ZNF783: variants seen among roughly 807,000 people sequenced by gnomAD.
The protein encoded by ZNF783 is protein ZNF783.
A neutral mutation model predicts 31.3 loss-of-function variants in ZNF783; 25 were observed. The observed-to-expected ratio is 0.80, with a 90% CI of 0.58 to 1.11. The LOEUF (loss-of-function observed/expected upper bound fraction) is 1.11. Among genes scored for constraint, ZNF783 ranks in the 50% most tolerant of loss-of-function variants. The pLI, the probability that ZNF783 is intolerant of heterozygous loss-of-function variation, is 0.00. For missense variants in ZNF783, 797 were observed against 760.0 expected, an observed-to-expected ratio of 1.05 and a Z score of -0.57; for synonymous variants, 369 against 319.1, an observed-to-expected ratio of 1.16 and a Z score of -1.66.
At chr7:149,264,189 TTTC>T (rs1348516516) in intron 1 of ZNF783, among the ~76,000 whole-genome samples, 1 of 152,272 alleles carries the variant, frequency 6.6e-6, no homozygotes, top group East Asian at 1.9e-4. Context: ...ACATCAGTTT[TTTC>T]TTCATCTTCA....
At chr7:149,278,969 C>T (rs894258337) in intron 5 of ZNF783, among the ~76,000 whole-genome samples, 1 of 152,328 alleles carries the variant, frequency 6.6e-6, no homozygotes, top group Admixed American at 6.5e-5. Context: ...AGTCATCCTT[C>T]CAGACTTCTT....
Position 149,282,314 on chromosome 7 carries a change from C to G in ZNF783, c.1612C>G (p.Pro538Ala). The G allele has an allele frequency of 6.4e-7, 1 of 1,552,672 alleles. No individual in the cohort carries two copies. Among genetic ancestry groups the G allele is most frequent in the Non-Finnish European group, 8.6e-7 (1 of 1,157,250 alleles). The change falls in exon 6 of 6, where the codon CCC (proline) becomes GCC (alanine). Residue 538 changes from proline to alanine, a missense_variant. Coordinates refer to ENST00000434415, the MANE Select transcript of ZNF783 (RefSeq NM_001195220.2). ...CGCCCGCCACGGGAGCCTGCCCCTG[C>G]CCTGGCCCAGCCGGAAGGAGGAGGG... Reference protein sequence around the residue: ...APARHGSLPLPWPSRKEEG With the variant: ...APARHGSLPLAWPSRKEEG
chr7:149,266,427 G>A lies in ZNF783; in HGVS notation c.117G>A (p.Thr39=), dbSNP rs762005733. The change falls in exon 2 of 6, where the codon ACG becomes ACA. Residue 39 remains threonine, a synonymous_variant. Transcript: ENST00000434415. ...AAEKNSYLYS[T]EITLWTVVAA... is the part of the protein sequence containing the mutation. Reference sequence around the variant, plus strand: ...AGAAGAACTCGTACCTCTACTCCACGGAAATCACACTGTGGACGGTGGTGG... The same window carrying A: ...AGAAGAACTCGTACCTCTACTCCACAGAAATCACACTGTGGACGGTGGTGG... 19 of 1,603,458 alleles carry A rather than the reference G, an allele frequency of 1.2e-5. No individual in the cohort carries two copies. The highest frequency in any genetic ancestry group is 4.4e-5 in the South Asian group (4 of 91,066).
At chr7:149,278,373 C>A in intron 4 of ZNF783, 26 bp from the exon 5 acceptor site, 2 of 1,598,626 alleles carry the variant, frequency 1.3e-6, no homozygotes, top group South Asian at 2.2e-5. Context: ...ATGTTGTGCT[C>A]AATGTCACTG....
rs751997559 is a variant in ZNF783, at chr7:149,267,136, A to G, written c.587A>G (p.Glu196Gly). 5.0e-6 allele frequency: 8 copies of G among 1,599,492 alleles called. No individual in the cohort carries two copies. The South Asian group carries it at 7.7e-5, about 15-fold the overall frequency. The change falls in exon 4 of 6, where the codon GAG (glutamate) becomes GGG (glycine). Residue 196 changes from glutamate (E) to glycine (G), a missense_variant. Physicochemically the swap from Glu to Gly is moderately conservative, Grantham distance 98. Transcript: ENST00000434415. ...ISKPDILTRI[E>G]RGEEPCLDRW... ...AAACCAGACATCCTCACCCGGATAG[A>G]GAGGGGAGAGGAGCCTTGTCTTGAC...
chr7:149,271,095 C>T (rs1169564808), intron 4 of ZNF783, among the ~76,000 whole-genome samples: 4 of 152,264 alleles, frequency 2.6e-5, no homozygotes, highest in East Asian at 3.9e-4. Flanking sequence ...CCCGCCACCA[C>T]GCCTGGCTAA....
chr7:149,279,673 G>C (rs1400377485), intron 5 of ZNF783, among the ~76,000 whole-genome samples: 1 of 60,918 alleles, frequency 1.6e-5, no homozygotes, highest in Admixed American at 1.9e-4. Context: ...TTTTTTTATT[G>C]ATCATTCTTG....
rs767088882 is a variant in ZNF783, at chr7:149,281,604, T to TC, written c.907dup (p.Arg303ProfsTer112). ...TCCCGAGGCCAGACCGAGTGTAGAATCCCCCGAGGGCCCAGGAACAGGCCT... is the reference window on the plus strand; with the variant it reads ...TCCCGAGGCCAGACCGAGTGTAGAATCCCCCCGAGGGCCCAGGAACAGGCCT... On this transcript the variant is annotated frameshift_variant, in exon 6 of 6. Coordinates refer to ENST00000434415, the MANE Select transcript of ZNF783 (RefSeq NM_001195220.2). LOFTEE classifies it low-confidence loss of function (END_TRUNC). 9.3e-5 allele frequency: 144 copies of TC among 1,542,860 alleles called. No individual in the cohort carries two copies. The highest frequency in any genetic ancestry group is 1.6e-4 in the Admixed American group (8 of 50,348).
intron 1 of ZNF783, among the ~76,000 whole-genome samples, chr7:149,262,914 G>C (rs1384027413): frequency 6.6e-6 from 1 of 152,172 alleles, no homozygotes; most frequent in African/African-American, 2.4e-5. Flanking sequence ...AAAGATTACT[G>C]TAGCAGATTT....
chr7:149,272,721 AT>A (rs1205219422), intron 4 of ZNF783, among the ~76,000 whole-genome samples: 1 of 152,158 alleles, frequency 6.6e-6, no homozygotes, highest in African/African-American at 2.4e-5. Flanking sequence ...TCAAGCATTT[AT>A]TATTTCTTTG....
chr7:149,267,454 G>A (rs1418288799), intron 4 of ZNF783, among the ~76,000 whole-genome samples: 1 of 152,234 alleles, frequency 6.6e-6, no homozygotes, highest in Non-Finnish European at 1.5e-5. Flanking sequence ...TTACGTGGTT[G>A]TGATGACTGA....
At position 149,282,451 on chromosome 7, in the gene ZNF783, A is replaced by C. The variant is rs1303390525; in HGVS notation, c.*108A>C. On this transcript the variant is annotated 3_prime_UTR_variant, in exon 6 of 6. Transcript: ENST00000434415. ...GAGGTTTGTTGTTTTTACCCATTCA[A>C]ATGGGAAGCTAGCTGCCCTTCTGGT... 2.0e-6 allele frequency: 2 copies of C among 1,014,490 alleles called. No individual in the cohort carries two copies. Among genetic ancestry groups the C allele is most frequent in the African/African-American group, 1.7e-5 (1 of 60,326 alleles). 62.8% of individuals were successfully genotyped at this position (1,014,490 alleles called of 1,614,324 possible). A position where few individuals can be genotyped will look rare whatever the true frequency, so the allele number is the denominator to read the frequency against.
chr7:149,279,635 T>TG (rs1421472239), intron 5 of ZNF783, among the ~76,000 whole-genome samples: 54 of 132,450 alleles, frequency 4.1e-4, no homozygotes, highest in Non-Finnish European at 7.4e-4. Context: ...TATCTTTGTT[T>TG]TTTTTTTTTT....
rs1011072644 is a variant in ZNF783 at position 149,281,822 on chromosome 7, G to A, written c.1120G>A (p.Glu374Lys). 6 of 1,510,772 alleles carry A rather than the reference G, an allele frequency of 4.0e-6. No individual in the cohort carries two copies. The South Asian group carries it at 6.5e-5, about 16-fold the overall frequency. 93.6% of individuals were successfully genotyped at this position (1,510,772 alleles called of 1,614,324 possible). ...LTIHQRTHVE[E>K]GRQEAPGRSP... is the part of the protein sequence containing the mutation. Reference sequence around the variant, plus strand: ...GATTCATCAGCGGACCCATGTGGAGGAGGGGCGGCAGGAGGCCCCCGGCCG... The same window carrying A: ...GATTCATCAGCGGACCCATGTGGAGAAGGGGCGGCAGGAGGCCCCCGGCCG... The change falls in exon 6 of 6, where the codon GAG (glutamate) becomes AAG (lysine). Residue 374 changes from glutamate to lysine, a missense_variant. Glu to Lys is a moderately conservative substitution (Grantham distance 56, BLOSUM62 1). Coordinates refer to ENST00000434415, the MANE Select transcript of ZNF783 (RefSeq NM_001195220.2).
chr7:149,281,597 T>TC lies in ZNF783; in HGVS notation c.895_896insC (p.Cys299SerfsTer2). On this transcript the variant is annotated frameshift_variant, in exon 6 of 6. Coordinates refer to ENST00000434415, the MANE Select transcript of ZNF783 (RefSeq NM_001195220.2). LOFTEE classifies it low-confidence loss of function (END_TRUNC). ...GGGGGTGTCCCGAGGCCAGACCGAG[T>TC]GTAGAATCCCCCGAGGGCCCAGGAA... 6.5e-7 allele frequency: 1 copy of TC among 1,534,714 alleles called. No homozygotes were observed. Among genetic ancestry groups the TC allele is most frequent in the Non-Finnish European group, 8.7e-7 (1 of 1,152,770 alleles).
At chr7:149,268,843 A>G (rs1003380680) in intron 4 of ZNF783, among the ~76,000 whole-genome samples, 3 of 152,172 alleles carry the variant, frequency 2.0e-5, no homozygotes, top group Non-Finnish European at 4.4e-5. Context: ...TATTCAGTCC[A>G]CCACTGATGG....
At chr7:149,269,600 G>T (rs1797163831) in intron 4 of ZNF783, among the ~76,000 whole-genome samples, 3 of 152,122 alleles carry the variant, frequency 2.0e-5, no homozygotes, top group Non-Finnish European at 4.4e-5. Flanking sequence ...TTTTGCATAT[G>T]GTGAAAGGTA....
Position 149,282,494 on chromosome 7 carries a change from G to A in ZNF783, c.*151G>A. The A allele has an allele frequency of 2.9e-6, 2 of 696,804 alleles. No homozygotes were observed. Among genetic ancestry groups the A allele is most frequent in the Non-Finnish European group, 4.5e-6 (2 of 439,694 alleles). 43.2% of individuals were successfully genotyped at this position (696,804 alleles called of 1,614,324 possible). A position where few individuals can be genotyped will look rare whatever the true frequency, so the allele number is the denominator to read the frequency against. On this transcript the variant is annotated 3_prime_UTR_variant, in exon 6 of 6. Transcript: ENST00000434415. ...CTTCTGGTGACATTGTGTGTGACCGGGTGCTTTCTGTTTCCTGTTTGCACT... is the reference window on the plus strand; with the variant it reads ...CTTCTGGTGACATTGTGTGTGACCGAGTGCTTTCTGTTTCCTGTTTGCACT...
At chr7:149,278,922 G>A (rs936862816) in intron 5 of ZNF783, among the ~76,000 whole-genome samples, 2 of 152,266 alleles carry the variant, frequency 1.3e-5, no homozygotes, top group South Asian at 2.1e-4. Flanking sequence ...CTCAGTAAAC[G>A]CCCTCTTTCT....
Sources: allele counts gnomAD v4.1 joint callset (sites outside exome capture counted in the v4.1 genomes callset), GRCh38; gene constraint gnomAD v4.1.1; transcripts MANE v1.5; gene names NCBI Gene and HGNC (gene_info 2026-07-23, HGNC 2026-07-21).